The following TPD52 variants were observed in gnomAD, a reference collection of about 807,000 sequenced individuals.
TPD52 encodes the protein tumor protein D52.
A neutral mutation model predicts 31.3 loss-of-function variants in TPD52; 17 were observed. The observed-to-expected ratio is 0.54, with a 90% confidence interval of 0.37 to 0.82. The LOEUF is 0.82. Ranked by LOEUF, TPD52 falls within the 40% of genes least tolerant of loss-of-function variation. TPD52 has a pLI of 0.00. For missense variants in TPD52, 212 were observed against 240.1 expected, an observed-to-expected ratio of 0.88 and a Z score of 0.77; for synonymous variants, 83 against 89.6, an observed-to-expected ratio of 0.93 and a Z score of 0.42.
At chr8:80,117,836 G>A (rs575334325) in intron 1 of TPD52, among the ~76,000 whole-genome samples, 5 of 150,276 alleles carry the variant, frequency 3.3e-5, no homozygotes, top group African/African-American at 7.4e-5. Context: ...AGGTTCAAGC[G>A]ATTCTCCTGC....
intron 1 of TPD52, among the ~76,000 whole-genome samples, chr8:80,086,684 G>A (rs920411735): frequency 4.0e-5 from 6 of 151,688 alleles, no homozygotes; most frequent in Non-Finnish European, 7.4e-5. Flanking sequence ...GACCAGCCTG[G>A]CCAATATGGT....
chr8:80,104,539 A>G (rs1414841028), intron 1 of TPD52, among the ~76,000 whole-genome samples: 1 of 151,208 alleles, frequency 6.6e-6, no homozygotes, highest in Non-Finnish European at 1.5e-5. Flanking sequence ...CAGCCGGGGG[A>G]ACAGAGCAAG....
At chr8:80,065,848 T>C (rs1294888083) in intron 1 of TPD52, among the ~76,000 whole-genome samples, 1 of 152,172 alleles carries the variant, frequency 6.6e-6, no homozygotes, top group African/African-American at 2.4e-5. Context: ...AAGCTTTTTG[T>C]CACCCCCTTC....
chr8:80,107,981 G>A (rs775206107), intron 1 of TPD52, among the ~76,000 whole-genome samples: 3 of 152,140 alleles, frequency 2.0e-5, no homozygotes, highest in Non-Finnish European at 2.9e-5. Flanking sequence ...CTTGATGCAC[G>A]TCAGTCATGG....
chr8:80,138,026 C>T (rs1654327934), intron 1 of TPD52, among the ~76,000 whole-genome samples: 1 of 152,124 alleles, frequency 6.6e-6, no homozygotes, highest in Admixed American at 6.5e-5. Context: ...CTCACTGCAA[C>T]CTCGCCTCCC....
chr8:80,053,707 C>T (rs1811592367), intron 2 of TPD52, among the ~76,000 whole-genome samples: 1 of 152,066 alleles, frequency 6.6e-6, no homozygotes, highest in African/African-American at 2.4e-5. Context: ...ACTCAGCTAT[C>T]TCATGTAGGT....
chr8:80,039,173 ATTGT>A (rs1313793852), intron 7 of TPD52, among the ~76,000 whole-genome samples: 2 of 152,204 alleles, frequency 1.3e-5, no homozygotes, highest in Non-Finnish European at 2.9e-5. Flanking sequence ...TACCATCCAA[ATTGT>A]TTGGGAAATG....
intron 1 of TPD52, among the ~76,000 whole-genome samples, chr8:80,115,437 T>C (rs765843487): frequency 1.3e-5 from 2 of 152,082 alleles, no homozygotes; most frequent in African/African-American, 4.8e-5. Flanking sequence ...GCAGAAGCTA[T>C]AAGGCTTCAA....
intron 1 of TPD52, among the ~76,000 whole-genome samples, chr8:80,076,790 G>C (rs1814595896): frequency 6.6e-6 from 1 of 152,022 alleles, no homozygotes; most frequent in South Asian, 2.1e-4. Flanking sequence ...TCCTACCTCA[G>C]CCTCCCAAGT....
At chr8:80,148,246 G>A (rs1308584174) in intron 1 of TPD52, among the ~76,000 whole-genome samples, 2 of 151,694 alleles carry the variant, frequency 1.3e-5, no homozygotes. Flanking sequence ...TCAACCTCCC[G>A]GGCTCAAGTG....
chr8:80,133,708 G>T lies in TPD52; in HGVS notation c.19+37717C>A, dbSNP rs1157384860. On this transcript the variant is annotated intron_variant, in intron 1 of 7. Transcript: ENST00000518937. ...CCTCAATTCCAAATGGAGCCCTACA[G>T]AAACTATCTCGATTTCATCAAGTTC... is the stretch of plus-strand genomic sequence containing the variant. Among the ~76,000 whole-genome samples the T allele has an allele frequency of 4.7e-5, 7 of 149,368 alleles. No homozygotes were observed. In the East Asian group the frequency reaches 7.8e-4, roughly 17 times the overall value.
chr8:80,131,505 T>C (rs988435234), intron 1 of TPD52, among the ~76,000 whole-genome samples: 14 of 152,188 alleles, frequency 9.2e-5, no homozygotes, highest in Non-Finnish European at 1.9e-4. Context: ...CCCTCCACTC[T>C]AGCTACTCCT....
At chr8:80,116,116 C>T (rs1807846167) in intron 1 of TPD52, among the ~76,000 whole-genome samples, 1 of 151,892 alleles carries the variant, frequency 6.6e-6, no homozygotes, top group Non-Finnish European at 1.5e-5. Flanking sequence ...AAGAATTTAC[C>T]CTCAGAAACA....
chr8:80,070,841 C>T (rs1209857140), intron 1 of TPD52, among the ~76,000 whole-genome samples: 1 of 152,142 alleles, frequency 6.6e-6, no homozygotes, highest in Non-Finnish European at 1.5e-5. Flanking sequence ...AATTTCCTAA[C>T]CCCTGACAAC....
chr8:80,046,336 T>C (rs1050844572), intron 5 of TPD52, among the ~76,000 whole-genome samples: 4 of 152,222 alleles, frequency 2.6e-5, no homozygotes, highest in African/African-American at 7.2e-5. Context: ...GTAGCTATTT[T>C]ATAGTAGGAA....
At chr8:80,055,718 G>C (rs1334618202) in intron 2 of TPD52, among the ~76,000 whole-genome samples, 1 of 152,144 alleles carries the variant, frequency 6.6e-6, no homozygotes, top group Non-Finnish European at 1.5e-5. Flanking sequence ...CATTTAAAAA[G>C]TGGGCAAAGG....
intron 1 of TPD52, among the ~76,000 whole-genome samples, chr8:80,169,604 G>A (rs1811943720): frequency 6.6e-6 from 1 of 152,156 alleles, no homozygotes. Context: ...GTAAAACACA[G>A]CCGTTTAATT....
At chr8:80,119,910 T>C in intron 1 of TPD52, 1 of 378,310 alleles carries the variant, frequency 2.6e-6, no homozygotes, top group Non-Finnish European at 5.1e-6. Flanking sequence ...TTAGAAAATA[T>C]ACACAATTAA....
At chr8:80,101,272 A>G (rs549463092) in intron 1 of TPD52, among the ~76,000 whole-genome samples, 2 of 152,030 alleles carry the variant, frequency 1.3e-5, no homozygotes, top group Non-Finnish European at 2.9e-5. Context: ...ACATGGTGAA[A>G]CCCCGTCTCT....
Sources: allele counts gnomAD v4.1 joint callset (sites outside exome capture counted in the v4.1 genomes callset), GRCh38; gene constraint gnomAD v4.1.1; transcripts MANE v1.5; gene names NCBI Gene and HGNC (gene_info 2026-07-23, HGNC 2026-07-21).